Variants in PAK1 observed in about 807,000 individuals in gnomAD.
The protein encoded by PAK1 is serine/threonine-protein kinase PAK 1.
Under a neutral mutation model 67.4 loss-of-function variants are expected in PAK1, and 29 were observed. That is an observed-to-expected ratio of 0.43 (90% CI 0.32 to 0.59). The LOEUF (loss-of-function observed/expected upper bound fraction) is 0.59, where lower values mean the gene tolerates loss of function less well. Among genes scored for constraint, PAK1 ranks in the 20% least tolerant of loss-of-function variants. The pLI is 0.07. For missense variants in PAK1, 337 were observed against 670.7 expected, an observed-to-expected ratio of 0.50 and a Z score of 5.50; for synonymous variants, 223 against 237.4, an observed-to-expected ratio of 0.94 and a Z score of 0.56.
the PAK1 span, among the ~76,000 whole-genome samples, chr11:77,511,645 T>C: frequency 6.6e-6 from 1 of 152,190 alleles, no homozygotes; most frequent in African/African-American, 2.4e-5. Flanking sequence ...TTTTAAAAAC[T>C]GGGTCAGTCA....
chr11:77,378,826 G>A (rs1195990056), intron 4 of PAK1, among the ~76,000 whole-genome samples: 5 of 152,170 alleles, frequency 3.3e-5, no homozygotes, highest in African/African-American at 4.8e-5. Context: ...GACCTCAAGC[G>A]ATCCTCTTGC....
intron 11 of PAK1, among the ~76,000 whole-genome samples, chr11:77,338,287 T>C (rs562968492): frequency 2.0e-5 from 3 of 152,248 alleles, no homozygotes; most frequent in African/African-American, 4.8e-5. Context: ...ACTAAAGATA[T>C]AAGTGAACAG....
chr11:77,527,370 T>C, the PAK1 span, among the ~76,000 whole-genome samples: 1 of 152,326 alleles, frequency 6.6e-6, no homozygotes, highest in South Asian at 2.1e-4. Context: ...CTCAAAGTGT[T>C]GGGATTACAG....
the PAK1 span, among the ~76,000 whole-genome samples, chr11:77,522,938 G>A: frequency 6.6e-6 from 1 of 152,176 alleles, no homozygotes; most frequent in African/African-American, 2.4e-5. Context: ...CATGGAGCTG[G>A]AGGCCATTAT....
chr11:77,409,543 A>G (rs1308443638), intron 1 of PAK1, among the ~76,000 whole-genome samples: 1 of 152,294 alleles, frequency 6.6e-6, no homozygotes, highest in South Asian at 2.1e-4. Context: ...GAAAATGTGT[A>G]TATACACAAT....
At chr11:77,421,715 T>TA (rs1178097037) in intron 1 of PAK1, among the ~76,000 whole-genome samples, 1 of 152,240 alleles carries the variant, frequency 6.6e-6, no homozygotes, top group Non-Finnish European at 1.5e-5. Context: ...GATGCAGTCT[T>TA]AGAGTGGCCT....
At chr11:77,403,308 T>C (rs1374682815) in intron 1 of PAK1, among the ~76,000 whole-genome samples, 1 of 152,206 alleles carries the variant, frequency 6.6e-6, no homozygotes. Flanking sequence ...TGAACCCCTC[T>C]AGTCATCATT....
chr11:77,405,362 T>A (rs1953328774), intron 1 of PAK1, among the ~76,000 whole-genome samples: 1 of 152,084 alleles, frequency 6.6e-6, no homozygotes. Flanking sequence ...AACAGACCAC[T>A]CTAGCAGCAG....
the PAK1 span, among the ~76,000 whole-genome samples, chr11:77,498,655 G>A: frequency 2.7e-5 from 4 of 146,608 alleles, no homozygotes; most frequent in Admixed American, 1.4e-4. Flanking sequence ...ATGAATGCCC[G>A]AAGAAATAAT....
At chr11:77,490,456 TG>T in the PAK1 span, among the ~76,000 whole-genome samples, 137 of 90,554 alleles carry the variant, frequency 1.5e-3, no homozygotes, top group African/African-American at 5.5e-3. Flanking sequence ...GGGAGGGAGG[TG>T]GGGGGGTCAG....
intron 5 of PAK1, among the ~76,000 whole-genome samples, chr11:77,368,788 C>G (rs988767786): frequency 6.6e-6 from 1 of 152,134 alleles, no homozygotes; most frequent in Admixed American, 6.5e-5. Flanking sequence ...TCCTGAGTAG[C>G]TGGGATTACA....
intron 1 of PAK1, among the ~76,000 whole-genome samples, chr11:77,442,255 T>C (rs550368507): frequency 3.7e-4 from 57 of 152,278 alleles, no homozygotes; most frequent in Non-Finnish European, 6.0e-4. Flanking sequence ...CTCCTGGTAT[T>C]TGCATCCTTG....
rs573178923 is a variant in PAK1, at chr11:77,325,790, T to C, written c.1552-2430A>G. ...TCATAACTAATAGGCCAGTATGCCA[T>C]AATCAGTAACCTCAATTACAAAGAC... On this transcript the variant is annotated intron_variant, in intron 14 of 14. Transcript: ENST00000356341. Among the ~76,000 whole-genome samples the C allele has an allele frequency of 8.5e-5, 13 of 152,332 alleles. No homozygotes were observed. The South Asian group carries it at 2.7e-3, about 32-fold the overall frequency.
chr11:77,418,539 A>C (rs1344483777), intron 1 of PAK1, among the ~76,000 whole-genome samples: 1 of 152,212 alleles, frequency 6.6e-6, no homozygotes, highest in African/African-American at 2.4e-5. Flanking sequence ...CATTTTCATA[A>C]GAATAGCATC....
intron 5 of PAK1, among the ~76,000 whole-genome samples, chr11:77,373,582 A>G (rs962721052): frequency 1.1e-4 from 17 of 150,644 alleles, no homozygotes; most frequent in Non-Finnish European, 2.2e-4. Flanking sequence ...AAAAAAAAAA[A>G]GCAGTATTCT....
chr11:77,400,701 T>C (rs2137688798), intron 1 of PAK1, among the ~76,000 whole-genome samples: 1 of 152,326 alleles, frequency 6.6e-6, no homozygotes, highest in East Asian at 1.9e-4. Context: ...TTTTTACAAC[T>C]AGGATTTAAG....
At chr11:77,349,124 C>CA (rs34167967) in intron 9 of PAK1, 115 bp downstream of exon 9, 151,655 of 504,970 alleles carry the variant, frequency 0.3, 6,654 homozygotes, top group South Asian at 0.33. Context: ...GACCCCATCC[C>CA]AAAAAAAAAA....
At chr11:77,382,173 G>A (rs982867736) in intron 2 of PAK1, among the ~76,000 whole-genome samples, 2 of 152,046 alleles carry the variant, frequency 1.3e-5, no homozygotes, top group African/African-American at 4.8e-5. Context: ...TCACAGGCAT[G>A]AACTGTCAAA....
At chr11:77,433,075 C>G (rs1458503994) in intron 1 of PAK1, among the ~76,000 whole-genome samples, 2 of 152,206 alleles carry the variant, frequency 1.3e-5, no homozygotes, top group East Asian at 3.9e-4. Flanking sequence ...ACAAGAGTGC[C>G]AAGACAATGC....
Sources: allele counts gnomAD v4.1 joint callset (sites outside exome capture counted in the v4.1 genomes callset), GRCh38; gene constraint gnomAD v4.1.1; transcripts MANE v1.5; gene names NCBI Gene and HGNC (gene_info 2026-07-23, HGNC 2026-07-21).